Variants in WDR70 observed in about 807,000 individuals in gnomAD.
The protein encoded by WDR70 is WD repeat-containing protein 70.
In WDR70, 53 loss-of-function variants were observed where a neutral mutation model predicts 88.6. The observed-to-expected ratio is 0.60, with a 90% CI of 0.48 to 0.75. The LOEUF (loss-of-function observed/expected upper bound fraction) is 0.75, where lower values mean the gene tolerates loss of function less well. Among genes scored for constraint, WDR70 ranks in the 30% least tolerant of loss-of-function variants. The probability of loss-of-function intolerance (pLI) is 0.00; values close to 1 mark genes in which losing one functional copy is unlikely to be tolerated. For missense variants in WDR70, 610 were observed against 823.2 expected (o/e 0.74, Z 3.17); for synonymous variants, 280 against 270.0 (o/e 1.04, Z -0.36).
chr5:37,730,540 C>T (rs1748116448), intron 17 of WDR70, among the ~76,000 whole-genome samples: 1 of 152,056 alleles, frequency 6.6e-6, no homozygotes, highest in Admixed American at 6.6e-5. Context: ...CATTGATTTT[C>T]ATAGTTGCAT....
intron 13 of WDR70, among the ~76,000 whole-genome samples, chr5:37,706,940 T>C (rs1027841806): frequency 6.6e-6 from 1 of 152,180 alleles, no homozygotes; most frequent in African/African-American, 2.4e-5. Context: ...GGGCTTCCAT[T>C]ACTCTGTTTT....
At chr5:37,412,912 C>T (rs1222865638) in intron 5 of WDR70, among the ~76,000 whole-genome samples, 1 of 152,140 alleles carries the variant, frequency 6.6e-6, no homozygotes, top group East Asian at 1.9e-4. Flanking sequence ...ACTAGGCACT[C>T]AGAATGGCTG....
chr5:37,611,332 T>C (rs891735023), intron 10 of WDR70, among the ~76,000 whole-genome samples: 4 of 152,308 alleles, frequency 2.6e-5, no homozygotes, highest in Admixed American at 2.0e-4. Context: ...GGGATATTCT[T>C]ATAAAGCTGT....
intron 10 of WDR70, among the ~76,000 whole-genome samples, chr5:37,669,400 T>TAA (rs68145326): frequency 0.34 from 50,620 of 149,096 alleles, 9,622 homozygotes; most frequent in Non-Finnish European, 0.44. Flanking sequence ...ATCTTTTTTT[T>TAA]AAAAAAAAAA....
At chr5:37,583,551 T>A (rs10057532) in intron 9 of WDR70, among the ~76,000 whole-genome samples, 4,646 of 53,520 alleles carry the variant, frequency 0.087, 502 homozygotes, top group African/African-American at 0.12. Context: ...TCATAGTAGG[T>A]GGGATCCCTT....
intron 5 of WDR70, among the ~76,000 whole-genome samples, chr5:37,437,597 AACAGCT>A (rs1385927068): frequency 6.6e-6 from 1 of 152,148 alleles, no homozygotes; most frequent in Non-Finnish European, 1.5e-5. Flanking sequence ...TTATACTATT[AACAGCT>A]ACTGATTTAT....
intron 6 of WDR70, among the ~76,000 whole-genome samples, chr5:37,441,693 C>T (rs1227893222): frequency 1.6e-4 from 25 of 152,020 alleles, no homozygotes; most frequent in Non-Finnish European, 1.5e-5. Context: ...TGCTACGTGC[C>T]TGTCATCCCA....
At chr5:37,713,849 GT>G (rs1747583435) in intron 13 of WDR70, among the ~76,000 whole-genome samples, 1 of 152,204 alleles carries the variant, frequency 6.6e-6, no homozygotes, top group African/African-American at 2.4e-5. Flanking sequence ...TTTTCTGACA[GT>G]TTTTCTCCCT....
intron 10 of WDR70, among the ~76,000 whole-genome samples, chr5:37,645,194 T>C (rs1454302570): frequency 3.3e-5 from 5 of 152,036 alleles, no homozygotes; most frequent in Non-Finnish European, 2.9e-5. Flanking sequence ...TTTTTTTTTT[T>C]CAAGAAATTT....
intron 10 of WDR70, among the ~76,000 whole-genome samples, chr5:37,667,308 G>A (rs939632816): frequency 2.6e-5 from 4 of 152,174 alleles, no homozygotes; most frequent in Non-Finnish European, 4.4e-5. Flanking sequence ...TGTAAAATGA[G>A]ATAATAATTA....
At chr5:37,627,297 C>G (rs889465902) in intron 10 of WDR70, among the ~76,000 whole-genome samples, 2 of 151,998 alleles carry the variant, frequency 1.3e-5, no homozygotes, top group African/African-American at 2.4e-5. Context: ...ACCGTGTTTC[C>G]CAGGAAACTT....
chr5:37,677,569 T>C (rs1746272102), intron 10 of WDR70, among the ~76,000 whole-genome samples: 1 of 152,192 alleles, frequency 6.6e-6, no homozygotes, highest in African/African-American at 2.4e-5. Context: ...TAATCCTGAG[T>C]TCTAGTTTGA....
At chr5:37,680,342 G>A (rs531524455) in intron 10 of WDR70, among the ~76,000 whole-genome samples, 2 of 152,124 alleles carry the variant, frequency 1.3e-5, no homozygotes, top group Admixed American at 6.5e-5. Context: ...CTCCCATTTT[G>A]TAGGTTGTCT....
intron 9 of WDR70, among the ~76,000 whole-genome samples, chr5:37,531,811 TGA>T (rs1212878413): frequency 6.8e-6 from 1 of 147,152 alleles, no homozygotes; most frequent in African/African-American, 2.5e-5. Context: ...ATTTGTTGCC[TGA>T]ATACCTTTTT....
At chr5:37,742,036 C>T (rs1416160523) in intron 17 of WDR70, among the ~76,000 whole-genome samples, 1 of 152,122 alleles carries the variant, frequency 6.6e-6, no homozygotes, top group Non-Finnish European at 1.5e-5. Flanking sequence ...TACTCTTTGG[C>T]TCTTGTGAAT....
chr5:37,469,271 C>T (rs536896092), intron 7 of WDR70, among the ~76,000 whole-genome samples: 2 of 152,200 alleles, frequency 1.3e-5, no homozygotes, highest in Non-Finnish European at 2.9e-5. Context: ...AGGATCTACC[C>T]GAAAAGCATC....
chr5:37,559,689 A>G (rs1371912474), intron 9 of WDR70, among the ~76,000 whole-genome samples: 2 of 152,058 alleles, frequency 1.3e-5, no homozygotes, highest in Non-Finnish European at 2.9e-5. Context: ...TACTAAAAAT[A>G]CAAAAATTAG....
intron 10 of WDR70, among the ~76,000 whole-genome samples, chr5:37,645,253 C>A (rs547858428): frequency 6.6e-6 from 1 of 151,688 alleles, no homozygotes; most frequent in Non-Finnish European, 1.5e-5. Context: ...CATTCAGTAG[C>A]ATGTTATGTT....
Position 37,600,989 on chromosome 5 carries a change from A to T in WDR70, c.918-4075A>T, listed in dbSNP as rs6865231. Among the ~76,000 whole-genome samples, 4 of 152,146 alleles carry T rather than the reference A, an allele frequency of 2.6e-5. No homozygotes were observed. In the East Asian group the frequency reaches 5.8e-4, roughly 22 times the overall value. On this transcript the variant is annotated intron_variant, in intron 9 of 17. Transcript: ENST00000265107. ...ATGTAAGATAATGTTAACAAAAAAC[A>T]GAGACAATTTCACTTCTTTCCTATT...
Sources: allele counts gnomAD v4.1 joint callset (sites outside exome capture counted in the v4.1 genomes callset), GRCh38; gene constraint gnomAD v4.1.1; transcripts MANE v1.5; gene names NCBI Gene and HGNC (gene_info 2026-07-23, HGNC 2026-07-21).